Variants in TCERG1L observed in about 807,000 individuals in gnomAD.
TCERG1L encodes transcription elongation regulator 1 like.
A neutral mutation model predicts 56.3 loss-of-function variants in TCERG1L; 37 were observed. The observed-to-expected ratio is 0.66, with a 90% CI of 0.51 to 0.87. The LOEUF (loss-of-function observed/expected upper bound fraction) is 0.87, where lower values mean the gene tolerates loss of function less well. Ranked by LOEUF, TCERG1L falls within the 40% of genes least tolerant of loss-of-function variation. TCERG1L has a pLI of 0.00. For missense variants in TCERG1L, 799 were observed against 774.2 expected, an observed-to-expected ratio of 1.03 and a Z score of -0.38; for synonymous variants, 324 against 326.3, an observed-to-expected ratio of 0.99 and a Z score of 0.08.
rs577514604 is a variant in TCERG1L at position 131,164,415 on chromosome 10, G to A, written c.946-1205C>T. Among the ~76,000 whole-genome samples, 11 of 152,282 alleles carry A rather than the reference G, an allele frequency of 7.2e-5. No homozygotes were observed. The South Asian group carries it at 1.0e-3, about 14-fold the overall frequency. ...GTCTTTGTTCAGTCAGTACTGAGCC[G>A]AAATAACCAAATTCTTACCAGTAGA... On this transcript the variant is annotated intron_variant, in intron 5 of 11. Transcript: ENST00000368642.
At chr10:131,213,162 C>T (rs1845634649) in intron 4 of TCERG1L, among the ~76,000 whole-genome samples, 1 of 152,242 alleles carries the variant, frequency 6.6e-6, no homozygotes, top group South Asian at 2.1e-4. Context: ...CTATGTGGGG[C>T]CTCCCTCCCA....
chr10:131,213,492 C>T (rs1313863750), intron 4 of TCERG1L, among the ~76,000 whole-genome samples: 3 of 152,188 alleles, frequency 2.0e-5, no homozygotes, highest in Non-Finnish European at 2.9e-5. Context: ...CAGCTAGGCA[C>T]GTGGGATCAA....
intron 6 of TCERG1L, among the ~76,000 whole-genome samples, chr10:131,147,186 C>T (rs1311725840): frequency 6.6e-6 from 1 of 151,654 alleles, no homozygotes; most frequent in Non-Finnish European, 1.5e-5. Context: ...CCCCGGTGTC[C>T]TGCTCATTTG....
intron 7 of TCERG1L, among the ~76,000 whole-genome samples, chr10:131,143,109 G>A (rs999673491): frequency 6.6e-6 from 1 of 152,192 alleles, no homozygotes; most frequent in Non-Finnish European, 1.5e-5. Context: ...CTGCCCTCCA[G>A]AACTGTAAGA....
Position 131,311,261 on chromosome 10 carries a change from G to T in TCERG1L, c.342+33C>A. On this transcript the variant is annotated intron_variant, in intron 1 of 11. Transcript: ENST00000368642. The surrounding 1 kb of genome is among the most constrained non-coding windows in gnomAD (Gnocchi z 4.0). ...CGCGCCCAGGAGCAGGGGAGACGGC[G>T]ACCCGGGCCGAGGCGGGACGGGGAC... The T allele has an allele frequency of 8.4e-7, 1 of 1,188,430 alleles. No homozygotes were observed. Among genetic ancestry groups the T allele is most frequent in the Non-Finnish European group, 1.0e-6 (1 of 959,970 alleles). 73.6% of individuals were successfully genotyped at this position (1,188,430 alleles called of 1,614,324 possible). A position where few individuals can be genotyped will look rare whatever the true frequency, so the allele number is the denominator to read the frequency against.
intron 4 of TCERG1L, among the ~76,000 whole-genome samples, chr10:131,232,640 A>G (rs1018788880): frequency 1.3e-5 from 2 of 152,230 alleles, no homozygotes; most frequent in Non-Finnish European, 2.9e-5. Flanking sequence ...AAAATTTCCA[A>G]AAGTGAAGTT....
intron 11 of TCERG1L, 49 bp from the exon 12 acceptor site, chr10:131,093,367 C>A: frequency 6.3e-7 from 1 of 1,590,278 alleles, no homozygotes; most frequent in South Asian, 1.1e-5. Context: ...GCAACTCTGG[C>A]CTCCCCAGAG....
chr10:131,146,435 A>C, intron 7 of TCERG1L, 71 bp downstream of exon 7: 1 of 1,394,992 alleles, frequency 7.2e-7, no homozygotes, highest in South Asian at 1.9e-5. Flanking sequence ...ACATGCTTTC[A>C]CTTTACGTTC....
chr10:131,194,260 A>T (rs1211182313), intron 4 of TCERG1L, among the ~76,000 whole-genome samples: 1 of 152,258 alleles, frequency 6.6e-6, no homozygotes. Context: ...GGGAACAAAC[A>T]GATGTCACTC....
In TCERG1L at chr10:131,267,525, T is replaced by A. The variant is rs976529520; in HGVS notation, c.671-7081A>T. 6.6e-6 allele frequency among the ~76,000 whole-genome samples: 1 copy of A among 152,198 alleles called. No individual in the cohort carries two copies. Among genetic ancestry groups the A allele is most frequent in the African/African-American group, 2.4e-5 (1 of 41,464 alleles). On this transcript the variant is annotated intron_variant, in intron 3 of 11. Transcript: ENST00000368642. The surrounding 1 kb of genome is among the most constrained non-coding windows in gnomAD (Gnocchi z 4.9). ...GCTCTGCAAAGTGAGCAGACCTGGC[T>A]GTGCCCTTCTCTGCGTCTCCCTCTG...
At chr10:131,188,781 G>T (rs1388559016) in intron 4 of TCERG1L, among the ~76,000 whole-genome samples, 2 of 152,096 alleles carry the variant, frequency 1.3e-5, no homozygotes, top group Non-Finnish European at 2.9e-5. Flanking sequence ...ATTTCAAAAG[G>T]TACAGATGGA....
At chr10:131,181,331 C>T (rs796939736) in intron 4 of TCERG1L, among the ~76,000 whole-genome samples, 11 of 152,334 alleles carry the variant, frequency 7.2e-5, no homozygotes, top group African/African-American at 2.6e-4. Flanking sequence ...ACACCAGGGG[C>T]CCGGGGGTGT....
intron 3 of TCERG1L, among the ~76,000 whole-genome samples, chr10:131,275,200 C>T (rs574739441): frequency 1.3e-4 from 20 of 152,276 alleles, no homozygotes; most frequent in Non-Finnish European, 2.5e-4. Context: ...CCACGGAGGA[C>T]CCTGATGATG....
chr10:131,311,700 G>GAT lies in TCERG1L; in HGVS notation c.-66_-65insAT. Reference sequence around the variant, plus strand: ...GCGCCCGAGATGCTGGGCCGGCGGCGGCGCGGCTCCGGAGCGAACTCACTT... The same window carrying GAT: ...GCGCCCGAGATGCTGGGCCGGCGGCGATGCGCGGCTCCGGAGCGAACTCACTT... On this transcript the variant is annotated 5_prime_UTR_variant, in exon 1 of 12. Coordinates refer to ENST00000368642, the MANE Select transcript of TCERG1L (RefSeq NM_174937.4). The surrounding 1 kb of genome is among the most constrained non-coding windows in gnomAD (Gnocchi z 4.0). 1 of 831,658 alleles carries GAT rather than the reference G, an allele frequency of 1.2e-6. No homozygotes were observed. The highest frequency in any genetic ancestry group is 1.5e-6 in the Non-Finnish European group (1 of 668,162). The allele number at this position is 831,658 out of a possible 1,614,324, so 51.5% of individuals were successfully genotyped here. A position where few individuals can be genotyped will look rare whatever the true frequency, so the allele number is the denominator to read the frequency against.
rs574237495 is a variant in TCERG1L, at chr10:131,131,482, A to G, written c.1259+2897T>C. Among the ~76,000 whole-genome samples, 11 of 152,332 alleles carry G rather than the reference A, an allele frequency of 7.2e-5. No individual in the cohort carries two copies. In the South Asian group the frequency reaches 2.3e-3, roughly 32 times the overall value. On this transcript the variant is annotated intron_variant, in intron 8 of 11. Coordinates refer to ENST00000368642, the MANE Select transcript of TCERG1L (RefSeq NM_174937.4). ...CAGGGAAGATGCATCGTCTTCGCCA[A>G]TGCATCCCTCTAAATAGTAAATAAC...
chr10:131,107,203 T>C (rs1420198453), intron 9 of TCERG1L, among the ~76,000 whole-genome samples: 2 of 152,164 alleles, frequency 1.3e-5, no homozygotes, highest in East Asian at 3.9e-4. Context: ...CCCAATAAGA[T>C]GGCACACACC....
chr10:131,274,350 A>G (rs1765723051), intron 3 of TCERG1L, among the ~76,000 whole-genome samples: 1 of 152,216 alleles, frequency 6.6e-6, no homozygotes, highest in Admixed American at 6.5e-5. Context: ...GGCCAACGCC[A>G]TTCCCAGCTG....
chr10:131,257,277 A>T (rs1306164456), intron 4 of TCERG1L, among the ~76,000 whole-genome samples: 2 of 152,110 alleles, frequency 1.3e-5, no homozygotes, highest in Non-Finnish European at 2.9e-5. Flanking sequence ...AGGCCAACGG[A>T]CACAAAGGAC....
intron 4 of TCERG1L, among the ~76,000 whole-genome samples, chr10:131,194,499 T>G (rs1186798485): frequency 6.6e-6 from 1 of 152,238 alleles, no homozygotes; most frequent in Non-Finnish European, 1.5e-5. Context: ...CTTTTGACTT[T>G]GCTTGTGATC....
Sources: gnomAD v4.1 joint callset for allele counts (sites outside exome capture counted in the v4.1 genomes callset) on GRCh38, gnomAD v4.1.1 for gene constraint, Gnocchi (gnomAD v3.1) non-coding constraint, MANE v1.5 for transcripts, NCBI Gene and HGNC (gene_info 2026-07-23, HGNC 2026-07-21) for gene names.